LAMA3: variants seen among roughly 807,000 people sequenced by gnomAD.
The protein encoded by LAMA3 is laminin subunit alpha-3.
In LAMA3, 281 loss-of-function variants were observed where a neutral mutation model predicts 402.0. That is an observed-to-expected ratio of 0.70 (90% CI 0.63 to 0.77). The LOEUF (loss-of-function observed/expected upper bound fraction) is 0.77. Among genes scored for constraint, LAMA3 ranks in the 30% least tolerant of loss-of-function variants. The pLI is 0.00. For synonymous variants in LAMA3, 1,431 were observed against 1,558.4 expected (o/e 0.92, Z 1.93); for missense variants, 3,840 against 4,215.5 (o/e 0.91, Z 2.47).
At chr18:23,862,313 C>A (rs2064242940) in intron 35 of LAMA3, among the ~76,000 whole-genome samples, 1 of 152,148 alleles carries the variant, frequency 6.6e-6, no homozygotes. Context: ...ACTTACAAAC[C>A]ACTTGCTCTT....
chr18:23,911,953 A>T (rs1383232578), intron 55 of LAMA3, among the ~76,000 whole-genome samples: 2 of 144,640 alleles, frequency 1.4e-5, no homozygotes, highest in Admixed American at 1.4e-4. Flanking sequence ...TATATAACAT[A>T]TAATTTATGC....
chr18:23,930,931 G>A (rs1335377206), intron 64 of LAMA3, 131 bp from the exon 65 acceptor site: 2 of 837,698 alleles, frequency 2.4e-6, no homozygotes, highest in Non-Finnish European at 3.9e-6. Context: ...AGAGCAAAAA[G>A]CAAACTCAAA....
intron 12 of LAMA3, among the ~76,000 whole-genome samples, chr18:23,805,220 G>A (rs1307464515): frequency 1.3e-5 from 2 of 152,148 alleles, no homozygotes; most frequent in Non-Finnish European, 2.9e-5. Context: ...TAGTATAGCA[G>A]CTGCAATTGG....
intron 2 of LAMA3, among the ~76,000 whole-genome samples, chr18:23,735,029 A>G (rs1393873550): frequency 1.3e-5 from 2 of 152,204 alleles, no homozygotes; most frequent in Non-Finnish European, 2.9e-5. Context: ...TAATATACCT[A>G]TTTCTCTTAG....
Position 23,763,479 on chromosome 18 carries a change from A to G in LAMA3, c.1138A>G (p.Thr380Ala). ...TGAGCGGCAGCAGGCAAGCTTGAAT[A>G]CCCAGGGCATCTATGCTGGTGGAGG... ...DVERQQASLN[T>A]QGIYAGGGVC... The change falls in exon 8 of 75, where the codon ACC becomes GCC. Residue 380 changes from threonine to alanine, a missense_variant. By Grantham distance (58) the Thr-to-Ala change is moderately conservative. Coordinates refer to ENST00000313654, the MANE Select transcript of LAMA3 (RefSeq NM_198129.4). 1.2e-6 allele frequency: 2 copies of G among 1,613,878 alleles called. No individual in the cohort carries two copies. The highest frequency in any genetic ancestry group is 2.2e-5 in the South Asian group (2 of 91,072).
chr18:23,953,144 C>T, intron 74 of LAMA3, 35 bp downstream of exon 74: 1 of 1,612,000 alleles, frequency 6.2e-7, no homozygotes, highest in Non-Finnish European at 8.5e-7. Context: ...ATGTGTTGCC[C>T]TGTGTCAGCT....
chr18:23,736,925 A>G (rs2061485375), intron 2 of LAMA3, among the ~76,000 whole-genome samples: 1 of 152,100 alleles, frequency 6.6e-6, no homozygotes, highest in Non-Finnish European at 1.5e-5. Flanking sequence ...CTCAGCCACT[A>G]CCACCTACCC....
chr18:23,692,726 C>G (rs1180566150), intron 1 of LAMA3, among the ~76,000 whole-genome samples: 1 of 152,076 alleles, frequency 6.6e-6, no homozygotes. Context: ...TGGCTACTCT[C>G]AATTCTTCTA....
At chr18:23,715,672 A>G (rs2061085007) in intron 2 of LAMA3, among the ~76,000 whole-genome samples, 1 of 152,238 alleles carries the variant, frequency 6.6e-6, no homozygotes, top group South Asian at 2.1e-4. Context: ...AGCAGGAAGA[A>G]GACTGTAGCT....
intron 7 of LAMA3, among the ~76,000 whole-genome samples, chr18:23,762,610 A>C (rs943398668): frequency 2.0e-5 from 3 of 151,880 alleles, no homozygotes; most frequent in East Asian, 3.9e-4. Flanking sequence ...ATTTACTTGA[A>C]CCAAAATGAG....
At chr18:23,843,025 C>T (rs1370776656) in intron 29 of LAMA3, among the ~76,000 whole-genome samples, 2 of 151,678 alleles carry the variant, frequency 1.3e-5, no homozygotes, top group Non-Finnish European at 2.9e-5. Context: ...GAGCATTTTT[C>T]GCTCCTTTCT....
chr18:23,694,232 G>A (rs1203193210), intron 1 of LAMA3, among the ~76,000 whole-genome samples: 1 of 152,178 alleles, frequency 6.6e-6, no homozygotes, highest in Non-Finnish European at 1.5e-5. Context: ...GAATAATACG[G>A]GTTTAAAGTG....
chr18:23,784,250 C>A, intron 12 of LAMA3, 93 bp downstream of exon 12: 2 of 1,505,914 alleles, frequency 1.3e-6, no homozygotes, highest in Non-Finnish European at 1.8e-6. Context: ...AGCTGTCTGG[C>A]TTGCAGTTTA....
At chr18:23,715,172 A>T (rs1438930977) in intron 2 of LAMA3, among the ~76,000 whole-genome samples, 1 of 152,156 alleles carries the variant, frequency 6.6e-6, no homozygotes, top group Non-Finnish European at 1.5e-5. Flanking sequence ...AAAATGTTCT[A>T]AAATTGATGA....
At chr18:23,800,002 T>G (rs915263403) in intron 12 of LAMA3, among the ~76,000 whole-genome samples, 7 of 152,238 alleles carry the variant, frequency 4.6e-5, no homozygotes, top group Non-Finnish European at 1.0e-4. Context: ...AGTCTACTGA[T>G]TTAAATGTTA....
chr18:23,703,473 G>A (rs891263055), intron 1 of LAMA3, among the ~76,000 whole-genome samples: 1 of 152,072 alleles, frequency 6.6e-6, no homozygotes, highest in African/African-American at 2.4e-5. Flanking sequence ...TGAGTTAAAT[G>A]GAATGAGTTG....
Position 23,827,468 on chromosome 18 carries a change from G to T in LAMA3, c.2823+1G>T. On this transcript the variant is annotated splice_donor_variant, in intron 23 of 74. Coordinates refer to ENST00000313654, the MANE Select transcript of LAMA3 (RefSeq NM_198129.4). LOFTEE classifies it high-confidence loss of function. Reference sequence around the variant, plus strand: ...CATGGTGGACCTCAGCGGGAGAGAGGTGGGCCAGCCTTTTATTTATTATCA... The same window carrying T: ...CATGGTGGACCTCAGCGGGAGAGAGTTGGGCCAGCCTTTTATTTATTATCA... The T allele has an allele frequency of 6.2e-7, 1 of 1,614,026 alleles. No homozygotes were observed. The highest frequency in any genetic ancestry group is 1.3e-5 in the African/African-American group (1 of 75,036).
chr18:23,689,473 C>A lies in LAMA3; in HGVS notation c.-211C>A. 2.6e-6 allele frequency: 1 copy of A among 390,310 alleles called. No individual in the cohort carries two copies. The allele number at this position is 390,310 out of a possible 1,614,324, so 24.2% of individuals were successfully genotyped here. On this transcript the variant is annotated 5_prime_UTR_variant, in exon 1 of 75. Transcript: ENST00000313654. ...CTGTCAGTTCCTGATCCGGCTGGTG[C>A]CCGCTCCAGCCGCGGCAGGTTCCAG...
intron 2 of LAMA3, among the ~76,000 whole-genome samples, chr18:23,733,571 T>C (rs1052820912): frequency 1.3e-5 from 2 of 152,214 alleles, no homozygotes; most frequent in Non-Finnish European, 2.9e-5. Context: ...TTATGGGGGC[T>C]ATAATTCAAG....
Sources: allele counts gnomAD v4.1 joint callset (sites outside exome capture counted in the v4.1 genomes callset), GRCh38; gene constraint gnomAD v4.1.1; transcripts MANE v1.5; gene names NCBI Gene and HGNC (gene_info 2026-07-23, HGNC 2026-07-21).